Variants in RAB3C observed in about 807,000 individuals in gnomAD.
The protein encoded by RAB3C is ras-related protein Rab-3C.
RAB3C carries 17 observed loss-of-function variants against 26.4 expected under a neutral mutation model. That is an observed-to-expected ratio of 0.64 (90% CI 0.44 to 0.97). The LOEUF (loss-of-function observed/expected upper bound fraction) is 0.97, where lower values mean the gene tolerates loss of function less well. RAB3C is among the 50% of genes least tolerant of loss of function. The pLI, the probability that RAB3C is intolerant of heterozygous loss-of-function variation, is 0.00. For missense variants in RAB3C, 242 were observed against 281.9 expected (o/e 0.86, Z 1.01); for synonymous variants, 91 against 95.9 (o/e 0.95, Z 0.30).
At chr5:58,642,219 A>C (rs932418543) in intron 2 of RAB3C, among the ~76,000 whole-genome samples, 2 of 152,226 alleles carry the variant, frequency 1.3e-5, no homozygotes, top group Admixed American at 6.5e-5. Context: ...TCTAGAACCA[A>C]GTGAGACTTA....
At chr5:58,782,608 G>A (rs915117087) in intron 3 of RAB3C, among the ~76,000 whole-genome samples, 2 of 151,948 alleles carry the variant, frequency 1.3e-5, no homozygotes, top group African/African-American at 2.4e-5. Flanking sequence ...TAAATCAGCC[G>A]AAACATGAAA....
intron 2 of RAB3C, among the ~76,000 whole-genome samples, chr5:58,650,073 C>T (rs1365951917): frequency 6.6e-6 from 1 of 152,216 alleles, no homozygotes; most frequent in Non-Finnish European, 1.5e-5. Flanking sequence ...TTTTCAACAT[C>T]TGACCATTAC....
intron 2 of RAB3C, among the ~76,000 whole-genome samples, chr5:58,689,937 A>G (rs902456954): frequency 8.5e-5 from 13 of 152,118 alleles, no homozygotes; most frequent in African/African-American, 2.7e-4. Flanking sequence ...CAAAAGCCCA[A>G]TGTGTGAAGC....
chr5:58,780,042 T>C (rs955358466), intron 3 of RAB3C, among the ~76,000 whole-genome samples: 5 of 152,096 alleles, frequency 3.3e-5, no homozygotes, highest in African/African-American at 1.2e-4. Flanking sequence ...ATCTTCATGA[T>C]GGTCATGAAC....
chr5:58,774,457 C>A (rs191631554), intron 3 of RAB3C, among the ~76,000 whole-genome samples: 1 of 152,262 alleles, frequency 6.6e-6, no homozygotes, highest in Non-Finnish European at 1.5e-5. Flanking sequence ...ACTAGTATGT[C>A]CTGAGCAACT....
Position 58,857,392 on chromosome 5 carries a change from T to C in RAB3C, c.*6041T>C, listed in dbSNP as rs1388697656. The C allele has an allele frequency of 6.6e-6, 1 of 152,208 alleles. No homozygotes were observed. Among genetic ancestry groups the C allele is most frequent in the Non-Finnish European group, 1.5e-5 (1 of 68,026 alleles). 9.4% of individuals were successfully genotyped at this position (152,208 alleles called of 1,614,324 possible). On this transcript the variant is annotated 3_prime_UTR_variant, in exon 5 of 5. Coordinates refer to ENST00000282878, the MANE Select transcript of RAB3C (RefSeq NM_138453.4). ...ATTGTCAAGACAGAATGGCTGTTCA[T>C]TTATTTTATAAAAGCATCTCCTTCT...
intron 2 of RAB3C, among the ~76,000 whole-genome samples, chr5:58,656,502 C>A (rs9790998): frequency 0.39 from 58,592 of 151,734 alleles, 11,562 homozygotes; most frequent in East Asian, 0.48. Context: ...TTGTATCTGG[C>A]AATTAAAAAC....
chr5:58,813,613 TATATATATATATATATATATAC>T lies in RAB3C; in HGVS notation c.372-11423_372-11402del, dbSNP rs1405726435. ...ATATTTATATATATATATATATATA[TATATATATATATATATATATAC>T]ACACACACACACACATATACATATG... is the stretch of plus-strand genomic sequence containing the variant. On this transcript the variant is annotated intron_variant, in intron 3 of 4. Transcript: ENST00000282878. 9.2e-3 allele frequency among the ~76,000 whole-genome samples: 515 copies of T among 55,714 alleles called. 17 individuals carry two copies. The highest frequency in any genetic ancestry group is 0.012 in the Non-Finnish European group (272 of 22,290). 36.6% of individuals were successfully genotyped at this position (55,714 alleles called of 152,430 possible).
intron 2 of RAB3C, among the ~76,000 whole-genome samples, chr5:58,666,433 C>T (rs159008): frequency 2.0e-5 from 3 of 152,110 alleles, no homozygotes; most frequent in East Asian, 3.9e-4. Flanking sequence ...AAAACCACTG[C>T]GGGGGACAAG....
In RAB3C at chr5:58,856,563, T is replaced by G. The variant is rs1744264674; in HGVS notation, c.*5212T>G. 2.0e-5 allele frequency: 3 copies of G among 152,182 alleles called. No individual in the cohort carries two copies. The South Asian group carries it at 6.2e-4, about 32-fold the overall frequency. The allele number at this position is 152,182 out of a possible 1,614,324, so 9.4% of individuals were successfully genotyped here. On this transcript the variant is annotated 3_prime_UTR_variant, in exon 5 of 5. Transcript: ENST00000282878. ...TTCAAACAGTCATTACTTGCTGAAA[T>G]GAGGTTTGAGGTTACCTGTGTATTT...
At chr5:58,635,969 A>G (rs1015662713) in intron 2 of RAB3C, among the ~76,000 whole-genome samples, 1 of 152,246 alleles carries the variant, frequency 6.6e-6, no homozygotes, top group Non-Finnish European at 1.5e-5. Context: ...ATCACTGAGT[A>G]TATTAAAAAT....
intron 2 of RAB3C, among the ~76,000 whole-genome samples, chr5:58,685,444 T>C (rs997726190): frequency 6.6e-6 from 1 of 152,138 alleles, no homozygotes; most frequent in Non-Finnish European, 1.5e-5. Context: ...AAAAGACTTA[T>C]GTGATTACAT....
intron 4 of RAB3C, among the ~76,000 whole-genome samples, chr5:58,832,291 T>C (rs1294179292): frequency 6.6e-6 from 1 of 152,150 alleles, no homozygotes; most frequent in African/African-American, 2.4e-5. Flanking sequence ...TTTAGCAAAG[T>C]CCACTTGTAA....
rs561037019 is a variant in RAB3C at position 58,816,097 on chromosome 5, A to G, written c.372-8941A>G. Reference sequence around the variant, plus strand: ...ATCAGTGCTTTTGAGCCATACTGCCAGCTCCAGAACACAGCTAAACTTTGG... The same window carrying G: ...ATCAGTGCTTTTGAGCCATACTGCCGGCTCCAGAACACAGCTAAACTTTGG... On this transcript the variant is annotated intron_variant, in intron 3 of 4. Transcript: ENST00000282878. 5.3e-5 allele frequency among the ~76,000 whole-genome samples: 8 copies of G among 152,346 alleles called. No individual in the cohort carries two copies. The East Asian group carries it at 1.5e-3, about 29-fold the overall frequency.
chr5:58,634,915 G>A (rs972086951), intron 2 of RAB3C, among the ~76,000 whole-genome samples: 1 of 152,142 alleles, frequency 6.6e-6, no homozygotes. Flanking sequence ...TCAAGATGAA[G>A]ACTTTTAATT....
chr5:58,819,988 T>G (rs1743303546), intron 3 of RAB3C, among the ~76,000 whole-genome samples: 1 of 152,230 alleles, frequency 6.6e-6, no homozygotes, highest in Admixed American at 6.5e-5. Context: ...TAGCTGCTTA[T>G]ATTGCCAAAG....
At chr5:58,766,666 G>A (rs1279682016) in intron 3 of RAB3C, among the ~76,000 whole-genome samples, 1 of 152,170 alleles carries the variant, frequency 6.6e-6, no homozygotes, top group Non-Finnish European at 1.5e-5. Flanking sequence ...TGTTAGTGAA[G>A]CTCAGGTGTG....
intron 2 of RAB3C, among the ~76,000 whole-genome samples, 168 bp downstream of exon 2, chr5:58,618,038 C>T (rs1371798771): frequency 6.8e-6 from 1 of 147,868 alleles, no homozygotes; most frequent in Non-Finnish European, 1.5e-5. Context: ...GGTGATGCCT[C>T]TTTAAGACAT....
intron 2 of RAB3C, among the ~76,000 whole-genome samples, chr5:58,633,046 C>T (rs1747218452): frequency 6.6e-6 from 1 of 152,174 alleles, no homozygotes; most frequent in Non-Finnish European, 1.5e-5. Context: ...AGCTTTTTGG[C>T]ATTTCCCACA....
Sources: gnomAD v4.1 joint callset for allele counts (sites outside exome capture counted in the v4.1 genomes callset) on GRCh38, gnomAD v4.1.1 for gene constraint, MANE v1.5 for transcripts, NCBI Gene and HGNC (gene_info 2026-07-23, HGNC 2026-07-21) for gene names.